The following HDAC3 variants were observed in gnomAD, a reference collection of about 807,000 sequenced individuals.
HDAC3 encodes SMAP45.
HDAC3 carries 21 observed loss-of-function variants against 62.3 expected under a neutral mutation model. The ratio of observed to expected loss-of-function variants is 0.34; its 90% confidence interval spans 0.24 to 0.49. HDAC3 has a LOEUF of 0.49. HDAC3 is among the 20% of genes least tolerant of loss of function. HDAC3 has a pLI of 0.99. For missense variants in HDAC3, 270 were observed against 556.9 expected, an observed-to-expected ratio of 0.48 and a Z score of 5.19; for synonymous variants, 198 against 206.5, an observed-to-expected ratio of 0.96 and a Z score of 0.35.
chr5:141,630,213 T>C, intron 3 of HDAC3, 88 bp from the exon 4 acceptor site: 1 of 1,258,924 alleles, frequency 7.9e-7, no homozygotes, highest in Non-Finnish European at 1.2e-6. Flanking sequence ...TCCTCCAATC[T>C]CCATTTTTCA....
chr5:141,629,545 A>T lies in HDAC3; in HGVS notation c.476+139T>A. On this transcript the variant is annotated intron_variant, in intron 6 of 14. Coordinates refer to ENST00000305264, the MANE Select transcript of HDAC3 (RefSeq NM_003883.4). This position sits in a 1 kb window ranked among gnomAD's most constrained non-coding sequence, Gnocchi z 5.3. Reference sequence around the variant, plus strand: ...GGCAGTAGGGAATCTGCAGCAGTGGAAGAGGCAGCCTGAATAAAGCATCAA... The same window carrying T: ...GGCAGTAGGGAATCTGCAGCAGTGGTAGAGGCAGCCTGAATAAAGCATCAA... The T allele has an allele frequency of 1.1e-6, 1 of 950,956 alleles. No individual in the cohort carries two copies. The highest frequency in any genetic ancestry group is 1.6e-6 in the Non-Finnish European group (1 of 613,496). The allele number at this position is 950,956 out of a possible 1,614,324, so 58.9% of individuals were successfully genotyped here.
At chr5:141,632,234 A>G (rs1333342709) in intron 3 of HDAC3, among the ~76,000 whole-genome samples, 1 of 152,290 alleles carries the variant, frequency 6.6e-6, no homozygotes, top group Non-Finnish European at 1.5e-5. Context: ...CATGTTGGCC[A>G]GGCTGGTCTT....
rs887694715 is a variant in HDAC3 at position 141,621,300 on chromosome 5, G to A, written c.*168C>T. The A allele has an allele frequency of 3.1e-6, 2 of 650,776 alleles. No homozygotes were observed. Among genetic ancestry groups the A allele is most frequent in the African/African-American group, 1.8e-5 (1 of 54,148 alleles). 40.3% of individuals were successfully genotyped at this position (650,776 alleles called of 1,614,324 possible). On this transcript the variant is annotated 3_prime_UTR_variant, in exon 15 of 15. Coordinates refer to ENST00000305264, the MANE Select transcript of HDAC3 (RefSeq NM_003883.4). ...CCATTGTCAGGCCTTGGGAGAGAGA[G>A]GAAAAGCAGGTAGATGGTTCGAGAA...
At position 141,634,858 on chromosome 5, in the gene HDAC3, C is replaced by T; in HGVS notation, c.234G>A (p.Met78Ile). Residue 78 changes from methionine (M) to isoleucine (I), a missense_variant, in exon 3 of 15, where the codon ATG (methionine) becomes ATA (isoleucine). Physicochemically the swap from Met to Ile is conservative, Grantham distance 10. Transcript: ENST00000305264. Reference sequence around the variant, plus strand: ...CATTAAGACTCTTGGTGAAGCCTTGCATATTGGTGGGGCTGACTCTCTGCA... The same window carrying T: ...CATTAAGACTCTTGGTGAAGCCTTGTATATTGGTGGGGCTGACTCTCTGCA... ...DFLQRVSPTN[M>I]QGFTKSLNAF... The T allele has an allele frequency of 6.2e-7, 1 of 1,614,116 alleles. No homozygotes were observed. The highest frequency in any genetic ancestry group is 8.5e-7 in the Non-Finnish European group (1 of 1,180,012).
In HDAC3 at chr5:141,636,808, G is replaced by A. The variant is rs201983150; in HGVS notation, c.-18C>T. On this transcript the variant is annotated 5_prime_UTR_variant, in exon 1 of 15. Coordinates refer to ENST00000305264, the MANE Select transcript of HDAC3 (RefSeq NM_003883.4). ...TTGGCCATGGTGCCGGCGGGAGCAGGCCCCGCACCTCCGCCGCCCGCCGCC... is the reference window on the plus strand; with the variant it reads ...TTGGCCATGGTGCCGGCGGGAGCAGACCCCGCACCTCCGCCGCCCGCCGCC... 323 of 1,536,016 alleles carry A rather than the reference G, an allele frequency of 2.1e-4. 5 individuals are homozygous for A. The East Asian group carries it at 5.3e-3, about 25-fold the overall frequency.
Position 141,621,342 on chromosome 5 carries a change from G to C in HDAC3, c.*126C>G, listed in dbSNP as rs1005214192. On this transcript the variant is annotated 3_prime_UTR_variant, in exon 15 of 15. Transcript: ENST00000305264. ...GTTCGAGAACCAAATGTGGTCTCCA[G>C]ACTCTTTCCCAGAGTCAGCAAAAGC... 7 of 811,662 alleles carry C rather than the reference G, an allele frequency of 8.6e-6. No homozygotes were observed. The African/African-American group carries it at 1.2e-4, about 14-fold the overall frequency. 50.3% of individuals were successfully genotyped at this position (811,662 alleles called of 1,614,324 possible). A position where few individuals can be genotyped will look rare whatever the true frequency, so the allele number is the denominator to read the frequency against.
chr5:141,621,321 G>C lies in HDAC3; in HGVS notation c.*147C>G. 1 of 701,380 alleles carries C rather than the reference G, an allele frequency of 1.4e-6. No homozygotes were observed. The highest frequency in any genetic ancestry group is 2.5e-6 in the Non-Finnish European group (1 of 396,838). 43.4% of individuals were successfully genotyped at this position (701,380 alleles called of 1,614,324 possible). A position where few individuals can be genotyped will look rare whatever the true frequency, so the allele number is the denominator to read the frequency against. On this transcript the variant is annotated 3_prime_UTR_variant, in exon 15 of 15. Transcript: ENST00000305264. ...GAGAGGAAAAGCAGGTAGATGGTTC[G>C]AGAACCAAATGTGGTCTCCAGACTC...
Position 141,626,493 on chromosome 5 carries a change from C to T in HDAC3, c.831-210G>A, listed in dbSNP as rs537083916. On this transcript the variant is annotated intron_variant, in intron 10 of 14. Transcript: ENST00000305264. The surrounding 1 kb of genome is among the most constrained non-coding windows in gnomAD (Gnocchi z 4.6). The stretch of plus-strand genomic sequence containing the variant: ...AATTTTAAAATAAAGCACAGTCCCC[C>T]CTCTGTTCTGCTCAACACCCTCCCT... 1.6e-5 allele frequency: 9 copies of T among 558,194 alleles called. No individual in the cohort carries two copies. The highest frequency in any genetic ancestry group is 6.0e-5 in the Admixed American group (2 of 33,446). 34.6% of individuals were successfully genotyped at this position (558,194 alleles called of 1,614,324 possible).
Position 141,625,902 on chromosome 5 carries a change from T to G in HDAC3, c.979+111A>C. The G allele has an allele frequency of 7.8e-7, 1 of 1,279,302 alleles. No homozygotes were observed. Among genetic ancestry groups the G allele is most frequent in the Non-Finnish European group, 1.1e-6 (1 of 875,738 alleles). The allele number at this position is 1,279,302 out of a possible 1,614,324, so 79.2% of individuals were successfully genotyped here. On this transcript the variant is annotated intron_variant, in intron 12 of 14. Transcript: ENST00000305264. This position sits in a 1 kb window ranked among gnomAD's most constrained non-coding sequence, Gnocchi z 4.0. The stretch of plus-strand genomic sequence containing the variant: ...CCCTGCTCTGAGCCCAGGGGTTTAG[T>G]CTGCAGAGCTCTGAGAGTGTAAAAT...
At position 141,626,335 on chromosome 5, in the gene HDAC3, T is replaced by C. The variant is rs2099904411; in HGVS notation, c.831-52A>G. 3 of 1,362,966 alleles carry C rather than the reference T, an allele frequency of 2.2e-6. No homozygotes were observed. Among genetic ancestry groups the C allele is most frequent in the South Asian group, 2.3e-5 (2 of 85,122 alleles). The allele number at this position is 1,362,966 out of a possible 1,614,324, so 84.4% of individuals were successfully genotyped here. A position where few individuals can be genotyped will look rare whatever the true frequency, so the allele number is the denominator to read the frequency against. On this transcript the variant is annotated intron_variant, in intron 10 of 14. Transcript: ENST00000305264. This position sits in a 1 kb window ranked among gnomAD's most constrained non-coding sequence, Gnocchi z 4.6. ...TGGAGGAGGTTATCAAAAGACAAGG[T>C]AAATACCTTTAGGTATTGCCTGAAA...
chr5:141,627,818 C>T, intron 10 of HDAC3, 75 bp downstream of exon 10: 3 of 1,304,864 alleles, frequency 2.3e-6, no homozygotes, highest in Non-Finnish European at 3.3e-6. Context: ...GCCCATTCCC[C>T]AACTACCCCC....
chr5:141,627,749 A>G, intron 10 of HDAC3, 144 bp downstream of exon 10: 2 of 733,014 alleles, frequency 2.7e-6, no homozygotes, highest in Non-Finnish European at 2.4e-6. Context: ...CCTGTTCAAG[A>G]TGACATTTCT....
intron 14 of HDAC3, among the ~76,000 whole-genome samples, chr5:141,623,652 G>A (rs2099904001): frequency 6.6e-6 from 1 of 152,192 alleles, no homozygotes; most frequent in Non-Finnish European, 1.5e-5. Flanking sequence ...TATCCTTGGA[G>A]GAAGAGAGTT....
chr5:141,629,378 C>T lies in HDAC3; in HGVS notation c.477-72G>A. The T allele has an allele frequency of 6.2e-7, 1 of 1,600,570 alleles. No individual in the cohort carries two copies. The highest frequency in any genetic ancestry group is 8.5e-7 in the Non-Finnish European group (1 of 1,170,648). On this transcript the variant is annotated intron_variant, in intron 6 of 14. Transcript: ENST00000305264. The surrounding 1 kb of genome is among the most constrained non-coding windows in gnomAD (Gnocchi z 5.3). ...AACCCACTCCTCTCAAACACCGGGT[C>T]TCGAATTGTGAAGAGTCTGCTTCTG...
At position 141,625,426 on chromosome 5, in the gene HDAC3, T is replaced by A. The variant is rs964062778; in HGVS notation, c.1060-61A>T. 7.6e-6 allele frequency: 12 copies of A among 1,579,144 alleles called. No individual in the cohort carries two copies. The Admixed American group carries it at 8.4e-5, about 11-fold the overall frequency. ...CCAGAGATTCCCAGGACATGGAATCTCCTAGCTGCCTTTTACCCCTACCAT... is the reference window on the plus strand; with the variant it reads ...CCAGAGATTCCCAGGACATGGAATCACCTAGCTGCCTTTTACCCCTACCAT... On this transcript the variant is annotated intron_variant, in intron 13 of 14. Transcript: ENST00000305264. This position sits in a 1 kb window ranked among gnomAD's most constrained non-coding sequence, Gnocchi z 4.0.
chr5:141,632,874 T>A (rs1360225509), intron 3 of HDAC3, among the ~76,000 whole-genome samples: 1 of 152,212 alleles, frequency 6.6e-6, no homozygotes, highest in Non-Finnish European at 1.5e-5. Context: ...GCCAGCCTAA[T>A]GAGTTGGCCT....
chr5:141,625,428 C>G lies in HDAC3; in HGVS notation c.1060-63G>C, dbSNP rs1022275790. The G allele has an allele frequency of 6.4e-7, 1 of 1,559,054 alleles. No homozygotes were observed. Among genetic ancestry groups the G allele is most frequent in the African/African-American group, 1.4e-5 (1 of 73,798 alleles). On this transcript the variant is annotated intron_variant, in intron 13 of 14. Transcript: ENST00000305264. The surrounding 1 kb of genome is among the most constrained non-coding windows in gnomAD (Gnocchi z 4.0). ...AGAGATTCCCAGGACATGGAATCTC[C>G]TAGCTGCCTTTTACCCCTACCATAC...
chr5:141,629,295 C>A lies in HDAC3; in HGVS notation c.488G>T (p.Arg163Leu), dbSNP rs1308021981. The change falls in exon 7 of 15, where the codon CGG becomes CTG. Residue 163 changes from arginine (R) to leucine (L), a missense_variant. By Grantham distance (102) the Arg-to-Leu change is moderately radical. Around this residue, in one of 5 missense-constraint regions of HDAC3, gnomAD observed 156 missense variants for 383.9 expected, o/e 0.41. Coordinates refer to ENST00000305264, the MANE Select transcript of HDAC3 (RefSeq NM_003883.4). The surrounding 1 kb of genome is among the most constrained non-coding windows in gnomAD (Gnocchi z 5.3). ...GATGTCAATGTCAATGTAGAGCACC[C>A]GAGGGTGGTACCTAGAGGGAAGCCA... Reference protein sequence around the residue: ...GILELLKYHPRVLYIDIDIHH... With the variant: ...GILELLKYHPLVLYIDIDIHH... The A allele has an allele frequency of 6.2e-7, 1 of 1,614,086 alleles. No homozygotes were observed.
rs1390783838 is a variant in HDAC3, at chr5:141,630,122, T to C, written c.285A>G (p.Pro95=). ...AGAACTCAAAGAGCCCGGGAAACAC[T>C]GGGCTGCAGGGAAGAGGAACAAGTT... ...LNAFNVGDDC[P]VFPGLFEFCS... Residue 95 remains proline (P), a synonymous_variant, in exon 4 of 15, where the codon CCA becomes CCG. Coordinates refer to ENST00000305264, the MANE Select transcript of HDAC3 (RefSeq NM_003883.4). 6.2e-7 allele frequency: 1 copy of C among 1,613,892 alleles called. No individual in the cohort carries two copies. Among genetic ancestry groups the C allele is most frequent in the South Asian group, 1.1e-5 (1 of 91,082 alleles).
Sources: gnomAD v4.1 joint callset for allele counts (sites outside exome capture counted in the v4.1 genomes callset) on GRCh38, gnomAD v4.1.1 for gene constraint, gnomAD v4.1.1 regional missense constraint, Gnocchi (gnomAD v3.1) non-coding constraint, MANE v1.5 for transcripts, NCBI Gene and HGNC (gene_info 2026-07-23, HGNC 2026-07-21) for gene names.